The following RTTN variants were observed in gnomAD, a reference collection of about 807,000 sequenced individuals.
The protein encoded by RTTN is rotatin.
RTTN carries 182 observed loss-of-function variants against 269.2 expected under a neutral mutation model. That is an observed-to-expected ratio of 0.68 (90% CI 0.60 to 0.76). RTTN has a LOEUF of 0.76. Among genes scored for constraint, RTTN ranks in the 30% least tolerant of loss-of-function variants. The pLI, the probability that RTTN is intolerant of heterozygous loss-of-function variation, is 0.00. For synonymous variants in RTTN, 1,006 were observed against 963.5 expected, an observed-to-expected ratio of 1.04 and a Z score of -0.82; for missense variants, 2,545 against 2,608.6, an observed-to-expected ratio of 0.98 and a Z score of 0.53.
intron 10 of RTTN, among the ~76,000 whole-genome samples, chr18:70,186,324 T>A (rs1403120161): frequency 6.6e-6 from 1 of 152,242 alleles, no homozygotes; most frequent in Non-Finnish European, 1.5e-5. Flanking sequence ...GAAACAGCAT[T>A]ACAAGTTCCA....
At position 70,024,671 on chromosome 18, in the gene RTTN, T is replaced by C. The variant is rs375179333; in HGVS notation, c.5950+51A>G. The C allele has an allele frequency of 6.7e-6, 10 of 1,494,354 alleles. No homozygotes were observed. In the African/African-American group the frequency reaches 9.7e-5, roughly 15 times the overall value. The allele number at this position is 1,494,354 out of a possible 1,614,324, so 92.6% of individuals were successfully genotyped here. ...TTCCAGTCCACCTTAACAACATTTATAAAACTAGTATTTTGGTATATTATT... is the reference window on the plus strand; with the variant it reads ...TTCCAGTCCACCTTAACAACATTTACAAAACTAGTATTTTGGTATATTATT... On this transcript the variant is annotated intron_variant, in intron 44 of 48. Coordinates refer to ENST00000640769, the MANE Select transcript of RTTN (RefSeq NM_173630.4).
intron 28 of RTTN, among the ~76,000 whole-genome samples, chr18:70,099,095 T>C (rs898762104): frequency 1.3e-5 from 2 of 152,100 alleles, no homozygotes; most frequent in East Asian, 1.9e-4. Context: ...TTATAATCCT[T>C]TGGGTATATA....
chr18:70,105,611 T>C (rs2059301533), intron 28 of RTTN, among the ~76,000 whole-genome samples: 1 of 152,226 alleles, frequency 6.6e-6, no homozygotes, highest in Admixed American at 6.5e-5. Flanking sequence ...TGTTCCTATT[T>C]GGCCATCTTG....
At chr18:70,049,426 T>C (rs778646720) in intron 39 of RTTN, among the ~76,000 whole-genome samples, 9 of 152,172 alleles carry the variant, frequency 5.9e-5, no homozygotes, top group Non-Finnish European at 1.2e-4. Flanking sequence ...AATGATATCC[T>C]ACGTGGACAC....
chr18:70,196,409 A>G, intron 7 of RTTN, 92 bp downstream of exon 7: 1 of 1,117,108 alleles, frequency 9.0e-7, no homozygotes. Context: ...GAAAATGCGT[A>G]CACAATAAAC....
intron 26 of RTTN, among the ~76,000 whole-genome samples, chr18:70,116,058 C>CT (rs1164156821): frequency 2.0e-5 from 3 of 151,876 alleles, no homozygotes; most frequent in African/African-American, 7.2e-5. Flanking sequence ...ATAACTGCAA[C>CT]TTTTATGTTT....
chr18:70,140,381 G>C (rs1448469045), intron 19 of RTTN, among the ~76,000 whole-genome samples, 193 bp from the exon 20 acceptor site: 7 of 152,022 alleles, frequency 4.6e-5, no homozygotes, highest in African/African-American at 1.7e-4. Context: ...AAATGTTTAA[G>C]TAAAAAGCAT....
At chr18:70,086,591 A>T in intron 32 of RTTN, 22 bp downstream of exon 32, 1 of 1,504,692 alleles carries the variant, frequency 6.6e-7, no homozygotes, top group African/African-American at 1.4e-5. Context: ...TACTAGGTTG[A>T]TAATTGTTTA....
At chr18:70,140,258 C>A in intron 19 of RTTN, 70 bp from the exon 20 acceptor site, 1 of 825,936 alleles carries the variant, frequency 1.2e-6, no homozygotes, top group East Asian at 2.6e-5. Context: ...TTTTGAAATA[C>A]TCAGAACTGA....
chr18:70,037,755 T>C (rs1054202555), intron 40 of RTTN, among the ~76,000 whole-genome samples: 1 of 152,166 alleles, frequency 6.6e-6, no homozygotes, highest in African/African-American at 2.4e-5. Flanking sequence ...GGACTTTGTC[T>C]TGCATCTTAG....
chr18:70,038,752 G>A (rs917379386), intron 40 of RTTN, among the ~76,000 whole-genome samples: 5 of 152,194 alleles, frequency 3.3e-5, no homozygotes, highest in South Asian at 2.1e-4. Flanking sequence ...GAGACCAAGC[G>A]TGGAGAAACA....
At chr18:70,096,401 C>A (rs1335435594) in intron 28 of RTTN, among the ~76,000 whole-genome samples, 1 of 152,218 alleles carries the variant, frequency 6.6e-6, no homozygotes, top group African/African-American at 2.4e-5. Flanking sequence ...GAACTTTCCG[C>A]ATTTTTGCAC....
At chr18:70,178,110 C>T (rs184572434) in intron 10 of RTTN, among the ~76,000 whole-genome samples, 5 of 152,196 alleles carry the variant, frequency 3.3e-5, no homozygotes, top group Admixed American at 1.3e-4. Flanking sequence ...AGGCCGGACG[C>T]GATGGCTCAC....
chr18:70,193,166 G>A (rs747013664), intron 8 of RTTN, 122 bp downstream of exon 8: 6 of 912,604 alleles, frequency 6.6e-6, no homozygotes, highest in Admixed American at 7.0e-5. Context: ...CTATACCTGT[G>A]TTAATGTTTC....
chr18:70,035,047 G>A (rs968470846), intron 40 of RTTN, among the ~76,000 whole-genome samples: 11 of 152,182 alleles, frequency 7.2e-5, no homozygotes, highest in African/African-American at 2.7e-4. Context: ...ACAAAACACT[G>A]CTGAAAGAAA....
At chr18:70,109,864 A>G (rs111670817) in intron 27 of RTTN, 147 bp from the exon 28 acceptor site, 163 of 635,496 alleles carry the variant, frequency 2.6e-4, no homozygotes, top group African/African-American at 2.4e-3. Flanking sequence ...CTCTATCAAA[A>G]TGAGACTTTT....
At chr18:70,087,239 A>T (rs2058725587) in intron 31 of RTTN, among the ~76,000 whole-genome samples, 1 of 152,234 alleles carries the variant, frequency 6.6e-6, no homozygotes, top group Non-Finnish European at 1.5e-5. Flanking sequence ...CTGCTTAATG[A>T]AAGATGAAAT....
chr18:70,016,504 G>A (rs1444764031), intron 46 of RTTN, among the ~76,000 whole-genome samples: 1 of 152,216 alleles, frequency 6.6e-6, no homozygotes, highest in Non-Finnish European at 1.5e-5. Flanking sequence ...GACCAGGTGT[G>A]TAGGGGTCTG....
intron 28 of RTTN, among the ~76,000 whole-genome samples, chr18:70,103,874 C>T (rs551607581): frequency 3.3e-5 from 5 of 151,998 alleles, no homozygotes; most frequent in African/African-American, 1.2e-4. Context: ...GTCTGACGGG[C>T]TTCCCTTTGC....
Sources: gnomAD v4.1 joint callset for allele counts (sites outside exome capture counted in the v4.1 genomes callset) on GRCh38, gnomAD v4.1.1 for gene constraint, MANE v1.5 for transcripts, NCBI Gene and HGNC (gene_info 2026-07-23, HGNC 2026-07-21) for gene names.